The following COG5 variants were observed in gnomAD, a reference collection of about 807,000 sequenced individuals.
COG5 encodes the protein conserved oligomeric Golgi complex subunit 5.
Under a neutral mutation model 110.4 loss-of-function variants are expected in COG5, and 86 were observed. That is an observed-to-expected ratio of 0.78 (90% CI 0.65 to 0.93). The LOEUF is 0.93. Ranked by LOEUF, COG5 falls within the 40% of genes least tolerant of loss-of-function variation. The probability of loss-of-function intolerance (pLI) is 0.00; values close to 1 mark genes in which losing one functional copy is unlikely to be tolerated. For synonymous variants in COG5, 360 were observed against 334.6 expected, an observed-to-expected ratio of 1.08 and a Z score of -0.83; for missense variants, 1,077 against 987.0, an observed-to-expected ratio of 1.09 and a Z score of -1.22.
intron 7 of COG5, among the ~76,000 whole-genome samples, chr7:107,399,292 C>T (rs376930634): frequency 1.5e-3 from 225 of 152,202 alleles, no homozygotes; most frequent in African/African-American, 4.2e-3. Flanking sequence ...AGGAAAGACA[C>T]AGAAGAAAAT....
At chr7:107,490,748 T>C (rs1459773066) in intron 6 of COG5, among the ~76,000 whole-genome samples, 1 of 152,154 alleles carries the variant, frequency 6.6e-6, no homozygotes, top group Non-Finnish European at 1.5e-5. Context: ...GAAACAGGGA[T>C]GGAAATGGGA....
Position 107,298,143 on chromosome 7 carries a change from C to CA in COG5, c.1311dup (p.Asp438Ter). On this transcript the variant is annotated frameshift_variant and splice_region_variant, in exon 12 of 22. Coordinates refer to ENST00000297135, the MANE Select transcript of COG5 (RefSeq NM_006348.5). LOFTEE classifies it high-confidence loss of function. ...ACAGGTCAAATTAAACAAACATACT[C>CA]ATAATCTGGCTTTTTTGGTATGAAT... 6.4e-7 allele frequency: 1 copy of CA among 1,552,184 alleles called. No homozygotes were observed. The highest frequency in any genetic ancestry group is 8.7e-7 in the Non-Finnish European group (1 of 1,143,180).
At position 107,376,867 on chromosome 7, in the gene COG5, GATA is replaced by G. The variant is rs768370286; in HGVS notation, c.670-4110_670-4108del. On this transcript the variant is annotated intron_variant, in intron 7 of 21. Coordinates refer to ENST00000297135, the MANE Select transcript of COG5 (RefSeq NM_006348.5). Reference sequence around the variant, plus strand: ...TTGAATGTTATTAAGTATGTATTGAGATAATAATTTTCCCCCTTTACTTGAGAA... The same window carrying G: ...TTGAATGTTATTAAGTATGTATTGAGATAATTTTCCCCCTTTACTTGAGAA... Among the ~76,000 whole-genome samples, 48 of 152,046 alleles carry G rather than the reference GATA, an allele frequency of 3.2e-4. No homozygotes were observed. The Middle Eastern group carries it at 0.01, about 32-fold the overall frequency.
chr7:107,394,785 A>G (rs1790869725), intron 7 of COG5, among the ~76,000 whole-genome samples: 1 of 152,218 alleles, frequency 6.6e-6, no homozygotes, highest in Non-Finnish European at 1.5e-5. Context: ...ATGCAAGTCC[A>G]GGGGCCCACA....
intron 6 of COG5, among the ~76,000 whole-genome samples, chr7:107,424,526 AAAG>A (rs1793514182): frequency 6.6e-6 from 1 of 151,546 alleles, no homozygotes; most frequent in Admixed American, 6.6e-5. Flanking sequence ...TTTTTGAAAA[AAAG>A]AAAAACTGCA....
At chr7:107,506,922 C>A (rs560831514) in intron 6 of COG5, among the ~76,000 whole-genome samples, 1 of 152,322 alleles carries the variant, frequency 6.6e-6, no homozygotes, top group South Asian at 2.1e-4. Flanking sequence ...AGTTAGCTGG[C>A]GGACTTCCAT....
chr7:107,552,335 A>G (rs1173383991), intron 3 of COG5, among the ~76,000 whole-genome samples: 2 of 152,238 alleles, frequency 1.3e-5, no homozygotes, highest in Non-Finnish European at 2.9e-5. Context: ...TATCAATAGA[A>G]TAAACAGACA....
chr7:107,261,670 T>C (rs889346036), intron 14 of COG5, among the ~76,000 whole-genome samples: 2 of 152,214 alleles, frequency 1.3e-5, no homozygotes, highest in East Asian at 1.9e-4. Flanking sequence ...CGATTCCTTG[T>C]CCTCTTCTCC....
chr7:107,434,487 C>T (rs1000587897), intron 6 of COG5, among the ~76,000 whole-genome samples: 1 of 152,092 alleles, frequency 6.6e-6, no homozygotes, highest in Non-Finnish European at 1.5e-5. Flanking sequence ...ACAGTGTGTA[C>T]ACTGCTTGGA....
intron 12 of COG5, among the ~76,000 whole-genome samples, chr7:107,285,223 C>T (rs536149586): frequency 6.6e-6 from 1 of 152,164 alleles, no homozygotes; most frequent in African/African-American, 2.4e-5. Flanking sequence ...GATGAAGATA[C>T]CAAGACCATG....
chr7:107,349,279 T>G (rs1031876810), intron 10 of COG5, among the ~76,000 whole-genome samples: 26 of 152,208 alleles, frequency 1.7e-4, no homozygotes, highest in African/African-American at 6.0e-4. Flanking sequence ...ACTTCTAAAC[T>G]GGAATCCTTT....
At chr7:107,533,041 G>A (rs1801323881) in intron 5 of COG5, among the ~76,000 whole-genome samples, 1 of 151,766 alleles carries the variant, frequency 6.6e-6, no homozygotes, top group South Asian at 2.1e-4. Context: ...ACAGGGTCTG[G>A]AGTGGACCCG....
At chr7:107,371,272 T>C (rs528550545) in intron 8 of COG5, among the ~76,000 whole-genome samples, 1 of 152,220 alleles carries the variant, frequency 6.6e-6, no homozygotes, top group Non-Finnish European at 1.5e-5. Flanking sequence ...CAGTATTACG[T>C]AAGGTCACAT....
At chr7:107,442,504 T>A (rs964201165) in intron 6 of COG5, among the ~76,000 whole-genome samples, 27 of 145,448 alleles carry the variant, frequency 1.9e-4, no homozygotes, top group African/African-American at 3.7e-4. Flanking sequence ...TTTTTTTTTT[T>A]AAATACTTAT....
intron 7 of COG5, among the ~76,000 whole-genome samples, chr7:107,410,930 G>A (rs1232732367): frequency 2.0e-5 from 3 of 152,012 alleles, no homozygotes; most frequent in Non-Finnish European, 4.4e-5. Flanking sequence ...GAAGGGAAGG[G>A]CACTAGACTC....
intron 11 of COG5, among the ~76,000 whole-genome samples, chr7:107,311,695 A>G (rs892017235): frequency 2.6e-5 from 4 of 151,752 alleles, no homozygotes; most frequent in Non-Finnish European, 5.9e-5. Context: ...GCCCGGCCAC[A>G]TTTTTTTCCC....
At chr7:107,431,407 A>G (rs1794018112) in intron 6 of COG5, among the ~76,000 whole-genome samples, 1 of 152,240 alleles carries the variant, frequency 6.6e-6, no homozygotes, top group African/African-American at 2.4e-5. Flanking sequence ...CAAACATGGC[A>G]AAGGTTTTAC....
intron 6 of COG5, among the ~76,000 whole-genome samples, chr7:107,511,033 A>C (rs963115174): frequency 4.0e-5 from 6 of 151,224 alleles, no homozygotes; most frequent in Admixed American, 2.6e-4. Context: ...AAGGCAAGAA[A>C]TAACTAAAAT....
intron 7 of COG5, among the ~76,000 whole-genome samples, chr7:107,374,973 T>A (rs1814505671): frequency 6.6e-6 from 1 of 152,012 alleles, no homozygotes; most frequent in Non-Finnish European, 1.5e-5. Flanking sequence ...TAGTTAACTA[T>A]CACCTAGATC....
Sources: allele counts gnomAD v4.1 joint callset (sites outside exome capture counted in the v4.1 genomes callset), GRCh38; gene constraint gnomAD v4.1.1; transcripts MANE v1.5; gene names NCBI Gene and HGNC (gene_info 2026-07-23, HGNC 2026-07-21).